The following CWC22 variants were observed in gnomAD, a reference collection of about 807,000 sequenced individuals.
The protein encoded by CWC22 is pre-mRNA-splicing factor CWC22 homolog.
A neutral mutation model predicts 117.2 loss-of-function variants in CWC22; 53 were observed. The observed-to-expected ratio is 0.45, with a 90% CI of 0.36 to 0.57. The LOEUF is 0.57. CWC22 is among the 20% of genes least tolerant of loss of function. The probability of loss-of-function intolerance (pLI) is 0.00; values close to 1 mark genes in which losing one functional copy is unlikely to be tolerated. For missense variants in CWC22, 980 were observed against 1,068.8 expected (o/e 0.92, Z 1.16); for synonymous variants, 360 against 355.6 (o/e 1.01, Z -0.14).
chr2:179,978,315 T>C lies in CWC22; in HGVS notation c.456A>G (p.Leu152=). Residue 152 remains leucine (L), a synonymous_variant, in exon 6 of 20, where the codon TTA becomes TTG. Transcript: ENST00000410053. ...CCTCCCAACTCATCCTCTGGTATGC[T>C]AAGCTAAAAAGAAGTGATTTTAATA... ...MQEQITDKNS[L]AYQRMSWEAL... The C allele has an allele frequency of 2.7e-6, 4 of 1,490,222 alleles. No homozygotes were observed. The highest frequency in any genetic ancestry group is 2.5e-5 in the East Asian group (1 of 39,618). 92.3% of individuals were successfully genotyped at this position (1,490,222 alleles called of 1,614,324 possible). A position where few individuals can be genotyped will look rare whatever the true frequency, so the allele number is the denominator to read the frequency against.
Position 179,971,028 on chromosome 2 carries a change from G to A in CWC22, c.853C>T (p.Pro285Ser), listed in dbSNP as rs754332999. ...GCTACTTCAACGCTATCATCTGTTGGTCTTTCCAGGAGCAAAGTGAGCATC... is the reference window on the plus strand; with the variant it reads ...GCTACTTCAACGCTATCATCTGTTGATCTTTCCAGGAGCAAAGTGAGCATC... ...LEMLTLLLER[P>S]TDDSVEVAIG... is the part of the protein sequence containing the mutation. The change falls in exon 9 of 20, where the codon CCA becomes TCA. Residue 285 changes from proline to serine, a missense_variant. Around this residue, in one of 3 missense-constraint regions of CWC22, gnomAD observed 559 missense variants for 602.3 expected, o/e 0.93. Transcript: ENST00000410053. The A allele has an allele frequency of 1.9e-6, 3 of 1,609,442 alleles. No homozygotes were observed. Among genetic ancestry groups the A allele is most frequent in the Admixed American group, 3.4e-5 (2 of 59,666 alleles).
At chr2:180,006,355 T>C (rs1687971527) in intron 1 of CWC22, among the ~76,000 whole-genome samples, 2 of 152,168 alleles carry the variant, frequency 1.3e-5, no homozygotes. Flanking sequence ...TATAATGCTG[T>C]GTTGTAGGAC....
intron 4 of CWC22, among the ~76,000 whole-genome samples, chr2:179,985,383 T>C (rs1400564835): frequency 6.6e-6 from 1 of 152,098 alleles, no homozygotes; most frequent in Non-Finnish European, 1.5e-5. Flanking sequence ...ATCTCTTCCC[T>C]ATATTGAGCA....
intron 4 of CWC22, among the ~76,000 whole-genome samples, chr2:179,983,370 T>G (rs1455681078): frequency 6.6e-6 from 1 of 152,134 alleles, no homozygotes; most frequent in Non-Finnish European, 1.5e-5. Flanking sequence ...GGTATTTGGT[T>G]TTCAGTTCCT....
At chr2:179,968,798 C>T (rs1686957772) in intron 11 of CWC22, among the ~76,000 whole-genome samples, 1 of 152,042 alleles carries the variant, frequency 6.6e-6, no homozygotes, top group Admixed American at 6.6e-5. Flanking sequence ...GAACTCCTGA[C>T]CTCGTGATCC....
At chr2:180,003,292 T>C (rs1340854873) in intron 1 of CWC22, among the ~76,000 whole-genome samples, 1 of 152,222 alleles carries the variant, frequency 6.6e-6, no homozygotes, top group East Asian at 1.9e-4. Context: ...ACTAGTTCCT[T>C]TGCAGGCACT....
intron 5 of CWC22, 35 bp from the exon 6 acceptor site, chr2:179,978,353 T>C: frequency 7.1e-7 from 1 of 1,415,336 alleles, no homozygotes; most frequent in Non-Finnish European, 9.2e-7. Context: ...GATTAAAACT[T>C]AATTACAATA....
At chr2:179,958,504 T>TG (rs997890766) in intron 14 of CWC22, among the ~76,000 whole-genome samples, 1 of 151,940 alleles carries the variant, frequency 6.6e-6, no homozygotes, top group Non-Finnish European at 1.5e-5. Context: ...CAGCTTTGAA[T>TG]GAGGCCCAAC....
At chr2:179,998,208 C>T (rs1427432411) in intron 1 of CWC22, among the ~76,000 whole-genome samples, 1 of 152,138 alleles carries the variant, frequency 6.6e-6, no homozygotes, top group African/African-American at 2.4e-5. Flanking sequence ...AATATAGAGA[C>T]CCCACAGCCT....
At chr2:179,981,684 T>C (rs1687291351) in intron 5 of CWC22, 68 bp downstream of exon 5, 5 of 1,367,048 alleles carry the variant, frequency 3.7e-6, no homozygotes, top group Non-Finnish European at 5.1e-6. Context: ...CAGGGTTAAT[T>C]AAACCACAGT....
At chr2:180,006,640 A>G (rs931613920) in intron 1 of CWC22, among the ~76,000 whole-genome samples, 2 of 152,176 alleles carry the variant, frequency 1.3e-5, no homozygotes, top group Non-Finnish European at 1.5e-5. Context: ...CTTTTAATCA[A>G]CTAGATCTCA....
At chr2:179,976,275 A>C (rs1246508509) in intron 6 of CWC22, among the ~76,000 whole-genome samples, 2 of 152,216 alleles carry the variant, frequency 1.3e-5, no homozygotes, top group Non-Finnish European at 2.9e-5. Flanking sequence ...AGACTTAAAC[A>C]TTAGACCTGA....
intron 11 of CWC22, among the ~76,000 whole-genome samples, chr2:179,968,383 T>G (rs2105525157): frequency 6.6e-6 from 1 of 152,204 alleles, no homozygotes; most frequent in African/African-American, 2.4e-5. Context: ...TGGGGCTAGA[T>G]TTTCTTCACA....
intron 4 of CWC22, among the ~76,000 whole-genome samples, chr2:179,984,330 A>C (rs1687360218): frequency 6.6e-6 from 1 of 152,114 alleles, no homozygotes; most frequent in African/African-American, 2.4e-5. Flanking sequence ...TATTTGGGAA[A>C]ATATACAAAA....
chr2:180,004,679 C>A (rs1390094907), intron 1 of CWC22, among the ~76,000 whole-genome samples: 1 of 151,114 alleles, frequency 6.6e-6, no homozygotes, highest in Non-Finnish European at 1.5e-5. Context: ...GCCATCGCCG[C>A]CCCCGCCCCT....
chr2:179,968,405 A>G (rs1686944811), intron 11 of CWC22, among the ~76,000 whole-genome samples: 1 of 152,130 alleles, frequency 6.6e-6, no homozygotes, highest in Non-Finnish European at 1.5e-5. Flanking sequence ...ACTTCAATTA[A>G]AACAACCTAC....
chr2:179,978,366 A>T, intron 5 of CWC22, 48 bp from the exon 6 acceptor site: 2 of 1,383,578 alleles, frequency 1.4e-6, no homozygotes, highest in Non-Finnish European at 9.4e-7. Context: ...TTACAATAAT[A>T]AGAAGCTATA....
At chr2:179,954,124 T>A (rs1406007056) in intron 16 of CWC22, 81 bp downstream of exon 16, 1 of 1,014,598 alleles carries the variant, frequency 9.9e-7, no homozygotes, top group African/African-American at 1.6e-5. Flanking sequence ...CATAATAGGA[T>A]AAATATGGCT....
chr2:179,987,949 G>T (rs1170738180), intron 3 of CWC22, among the ~76,000 whole-genome samples: 2 of 152,194 alleles, frequency 1.3e-5, no homozygotes, highest in Admixed American at 6.5e-5. Flanking sequence ...ATGTTAGGGG[G>T]TGAGGGGATG....
Sources: allele counts gnomAD v4.1 joint callset (sites outside exome capture counted in the v4.1 genomes callset), GRCh38; gene constraint gnomAD v4.1.1; regional missense constraint gnomAD v4.1.1; transcripts MANE v1.5; gene names NCBI Gene and HGNC (gene_info 2026-07-23, HGNC 2026-07-21).